ATRNL1: variants seen among roughly 807,000 people sequenced by gnomAD.
ATRNL1 encodes attractin-like protein 1.
Under a neutral mutation model 182.7 loss-of-function variants are expected in ATRNL1, and 95 were observed. That is an observed-to-expected ratio of 0.52 (90% CI 0.44 to 0.62). The LOEUF (loss-of-function observed/expected upper bound fraction) is 0.62. Ranked by LOEUF, ATRNL1 falls within the 20% of genes least tolerant of loss-of-function variation. ATRNL1 has a pLI of 0.00. For missense variants in ATRNL1, 1,471 were observed against 1,679.5 expected, an observed-to-expected ratio of 0.88 and a Z score of 2.17; for synonymous variants, 576 against 568.3, an observed-to-expected ratio of 1.01 and a Z score of -0.19.
intron 20 of ATRNL1, among the ~76,000 whole-genome samples, chr10:115,395,084 A>G (rs1844219174): frequency 6.7e-6 from 1 of 149,306 alleles, no homozygotes; most frequent in South Asian, 2.2e-4. Context: ...CTGTGTACCA[A>G]TATTTAGCTC....
At chr10:115,791,194 C>T (rs1555081726) in intron 27 of ATRNL1, among the ~76,000 whole-genome samples, 1 of 152,150 alleles carries the variant, frequency 6.6e-6, no homozygotes, top group African/African-American at 2.4e-5. Flanking sequence ...TTCAGTGAGG[C>T]CTTGCAGAGC....
At chr10:115,835,992 C>G (rs782407512) in intron 27 of ATRNL1, among the ~76,000 whole-genome samples, 1 of 152,206 alleles carries the variant, frequency 6.6e-6, no homozygotes, top group African/African-American at 2.4e-5. Flanking sequence ...GGCTACTTCC[C>G]AATGAACCTC....
chr10:115,245,647 T>C (rs1850604751), intron 10 of ATRNL1, among the ~76,000 whole-genome samples: 1 of 152,164 alleles, frequency 6.6e-6, no homozygotes, highest in Non-Finnish European at 1.5e-5. Context: ...CAAAATCATA[T>C]TCAAATTAAG....
intron 10 of ATRNL1, among the ~76,000 whole-genome samples, chr10:115,246,570 T>TC (rs1850653981): frequency 1.5e-5 from 1 of 64,562 alleles, no homozygotes; most frequent in African/African-American, 7.8e-5. Context: ...TTTTTTTTTT[T>TC]TGAGACGGAG....
chr10:115,760,941 G>A (rs2960720), intron 27 of ATRNL1, among the ~76,000 whole-genome samples: 3,561 of 152,306 alleles, frequency 0.023, 125 homozygotes, highest in African/African-American at 0.081. Context: ...TAGGATAGGC[G>A]CAGTCAATAG....
intron 19 of ATRNL1, among the ~76,000 whole-genome samples, chr10:115,368,268 G>C (rs1857177459): frequency 6.6e-6 from 1 of 152,326 alleles, no homozygotes; most frequent in African/African-American, 2.4e-5. Flanking sequence ...GCAATATTCG[G>C]GTGGGAGTGA....
At chr10:115,742,624 G>A (rs1948170611) in intron 27 of ATRNL1, among the ~76,000 whole-genome samples, 1 of 152,102 alleles carries the variant, frequency 6.6e-6, no homozygotes, top group Non-Finnish European at 1.5e-5. Flanking sequence ...AGCTCTGCCT[G>A]TTCTACAGCC....
At chr10:115,675,437 G>A (rs556093736) in intron 26 of ATRNL1, among the ~76,000 whole-genome samples, 27 of 152,156 alleles carry the variant, frequency 1.8e-4, no homozygotes, top group Non-Finnish European at 3.8e-4. Context: ...AAGAAAAGAA[G>A]AAGAAAAGTT....
chr10:115,898,744 C>T (rs1952271462), intron 28 of ATRNL1, among the ~76,000 whole-genome samples: 1 of 152,148 alleles, frequency 6.6e-6, no homozygotes, highest in South Asian at 2.1e-4. Context: ...GAATGACGAA[C>T]CCCTGATATG....
intron 26 of ATRNL1, among the ~76,000 whole-genome samples, chr10:115,684,387 G>C (rs1946151081): frequency 6.7e-6 from 1 of 150,342 alleles, no homozygotes; most frequent in Non-Finnish European, 1.5e-5. Context: ...TTGCCTGTGT[G>C]AGTATAATGT....
intron 19 of ATRNL1, among the ~76,000 whole-genome samples, chr10:115,373,833 A>G (rs1461174837): frequency 6.6e-5 from 10 of 151,552 alleles, no homozygotes; most frequent in African/African-American, 2.2e-4. Context: ...AATTTCTTTT[A>G]TCTTAGTGTT....
At chr10:115,351,860 C>T (rs1856274141) in intron 19 of ATRNL1, among the ~76,000 whole-genome samples, 1 of 151,976 alleles carries the variant, frequency 6.6e-6, no homozygotes, top group Admixed American at 6.6e-5. Flanking sequence ...GTTCTCTCAT[C>T]CTTGACTTTG....
intron 26 of ATRNL1, among the ~76,000 whole-genome samples, chr10:115,666,587 T>C (rs1593035944): frequency 6.6e-6 from 1 of 152,226 alleles, no homozygotes; most frequent in South Asian, 2.1e-4. Flanking sequence ...TCATATTTTT[T>C]CCCCAAAAAG....
intron 26 of ATRNL1, among the ~76,000 whole-genome samples, chr10:115,637,185 A>T (rs2133846264): frequency 6.6e-6 from 1 of 152,302 alleles, no homozygotes; most frequent in Admixed American, 6.5e-5. Context: ...ATCACCGTGG[A>T]CACATTTCTG....
chr10:115,189,986 T>A (rs534695696), intron 8 of ATRNL1, among the ~76,000 whole-genome samples: 122 of 152,258 alleles, frequency 8.0e-4, no homozygotes, highest in Non-Finnish European at 1.4e-3. Context: ...ACAAATACCG[T>A]TGTGTTCTAA....
intron 25 of ATRNL1, among the ~76,000 whole-genome samples, chr10:115,548,928 G>C (rs1355443930): frequency 6.6e-6 from 1 of 151,910 alleles, no homozygotes; most frequent in Non-Finnish European, 1.5e-5. Flanking sequence ...TTGCCAAAAG[G>C]GTTGGGAACC....
At chr10:115,635,276 A>T (rs1858790865) in intron 26 of ATRNL1, among the ~76,000 whole-genome samples, 1 of 152,062 alleles carries the variant, frequency 6.6e-6, no homozygotes, top group East Asian at 1.9e-4. Context: ...ACGTTTTACA[A>T]ATCAATGAAA....
At chr10:115,118,103 A>T (rs1260969151) in intron 1 of ATRNL1, among the ~76,000 whole-genome samples, 1 of 152,072 alleles carries the variant, frequency 6.6e-6, no homozygotes, top group Admixed American at 6.6e-5. Context: ...TCTGGTTATT[A>T]ATCCTTTGTC....
chr10:115,573,334 TTC>T (rs1401963338), intron 26 of ATRNL1, among the ~76,000 whole-genome samples: 3 of 152,030 alleles, frequency 2.0e-5, no homozygotes, highest in Non-Finnish European at 2.9e-5. Context: ...GTCCCTCTTC[TTC>T]TCTCTTTCTC....
Sources: gnomAD v4.1 joint callset for allele counts (sites outside exome capture counted in the v4.1 genomes callset) on GRCh38, gnomAD v4.1.1 for gene constraint, MANE v1.5 for transcripts, NCBI Gene and HGNC (gene_info 2026-07-23, HGNC 2026-07-21) for gene names.